Variants in CNTN4 observed in about 807,000 individuals in gnomAD.
CNTN4 encodes the protein contactin 4.
Under a neutral mutation model 122.5 loss-of-function variants are expected in CNTN4, and 77 were observed. That is an observed-to-expected ratio of 0.63 (90% CI 0.52 to 0.76). The LOEUF is 0.76. Ranked by LOEUF, CNTN4 falls within the 30% of genes least tolerant of loss-of-function variation. CNTN4 has a pLI of 0.00. For missense variants in CNTN4, 1,256 were observed against 1,259.1 expected (o/e 1.00, Z 0.04); for synonymous variants, 512 against 447.0 (o/e 1.15, Z -1.83).
At chr3:2,922,582 T>A (rs930016644) in intron 12 of CNTN4, among the ~76,000 whole-genome samples, 2 of 151,624 alleles carry the variant, frequency 1.3e-5, no homozygotes, top group African/African-American at 2.4e-5. Flanking sequence ...ATTAAGTAAA[T>A]TGAGTTAACA....
intron 2 of CNTN4, among the ~76,000 whole-genome samples, chr3:2,146,797 A>C (rs909798897): frequency 6.6e-6 from 1 of 152,194 alleles, no homozygotes; most frequent in African/African-American, 2.4e-5. Flanking sequence ...GGGGAGTTGT[A>C]AAGCCTGGTA....
chr3:2,621,957 A>C (rs1370244269), intron 4 of CNTN4, among the ~76,000 whole-genome samples: 2 of 152,150 alleles, frequency 1.3e-5, no homozygotes, highest in African/African-American at 4.8e-5. Context: ...CTTGATATCC[A>C]GACTCGGTGT....
chr3:2,548,996 G>A (rs1032177631), intron 3 of CNTN4, among the ~76,000 whole-genome samples: 3 of 152,028 alleles, frequency 2.0e-5, no homozygotes, highest in Non-Finnish European at 2.9e-5. Flanking sequence ...TTGGTGTTTA[G>A]GAATGCTTGT....
At chr3:2,405,654 TCTTC>T (rs1374968184) in intron 3 of CNTN4, among the ~76,000 whole-genome samples, 1 of 152,112 alleles carries the variant, frequency 6.6e-6, no homozygotes, top group Non-Finnish European at 1.5e-5. Context: ...AAGGATCAGC[TCTTC>T]CTTCCAGAAG....
chr3:2,880,403 C>T (rs1419872162), intron 8 of CNTN4, among the ~76,000 whole-genome samples: 1 of 152,196 alleles, frequency 6.6e-6, no homozygotes, highest in African/African-American at 2.4e-5. Flanking sequence ...AGTATACAGC[C>T]ATATACACAG....
chr3:2,121,082 C>CCTTT (rs1553568510), intron 2 of CNTN4, among the ~76,000 whole-genome samples: 2 of 135,368 alleles, frequency 1.5e-5, no homozygotes, highest in Non-Finnish European at 3.4e-5. Context: ...CTTCCTCCCT[C>CCTTT]CCTTCCTTCC....
chr3:2,844,584 G>A (rs1047848975), intron 7 of CNTN4, among the ~76,000 whole-genome samples: 54 of 152,184 alleles, frequency 3.5e-4, no homozygotes, highest in African/African-American at 7.2e-5. Flanking sequence ...CTACAGAAAC[G>A]ATCTCTTTCC....
intron 4 of CNTN4, among the ~76,000 whole-genome samples, chr3:2,699,063 T>A (rs1014753694): frequency 6.6e-5 from 10 of 152,086 alleles, no homozygotes; most frequent in African/African-American, 2.4e-4. Flanking sequence ...ATTGTTAGTA[T>A]ACCTGTCCCA....
At chr3:2,777,782 C>T (rs766191737) in intron 6 of CNTN4, among the ~76,000 whole-genome samples, 5 of 152,210 alleles carry the variant, frequency 3.3e-5, no homozygotes, top group Admixed American at 6.5e-5. Flanking sequence ...TCCAAACATG[C>T]ATAACCAAAT....
intron 14 of CNTN4, among the ~76,000 whole-genome samples, chr3:3,012,740 G>A (rs1333673789): frequency 6.6e-6 from 1 of 152,180 alleles, no homozygotes; most frequent in East Asian, 1.9e-4. Flanking sequence ...AGGCGGAGGC[G>A]GGCAGATCAC....
intron 2 of CNTN4, among the ~76,000 whole-genome samples, chr3:2,105,722 T>A (rs1301506450): frequency 1.3e-5 from 2 of 152,188 alleles, no homozygotes; most frequent in Admixed American, 1.3e-4. Flanking sequence ...ACCATATCAT[T>A]CTGCCCCTGG....
Position 2,781,784 on chromosome 3 carries a change from G to A in CNTN4, c.358+36087G>A, listed in dbSNP as rs1410285538. On this transcript the variant is annotated intron_variant, in intron 6 of 24. Coordinates refer to ENST00000418658, the MANE Select transcript of CNTN4 (RefSeq NM_175607.3). ...CTGTCGCCCAGGCTGGAGGGCAGTA[G>A]CGCGATCTCTGCTCACTGCAACCTC... 4.4e-5 allele frequency among the ~76,000 whole-genome samples: 6 copies of A among 135,026 alleles called. 1 individual carries two copies. The South Asian group carries it at 9.3e-4, about 21-fold the overall frequency. 88.6% of individuals were successfully genotyped at this position (135,026 alleles called of 152,430 possible).
At chr3:2,125,894 GGTGTGTGTGTGTGT>G (rs61706367) in intron 2 of CNTN4, among the ~76,000 whole-genome samples, 2 of 143,374 alleles carry the variant, frequency 1.4e-5, no homozygotes, top group South Asian at 2.3e-4. Flanking sequence ...TTTTATTTCT[GGTGTGTGTGTGTGT>G]GTGTGTGTGT....
chr3:2,915,455 A>T (rs1036181105), intron 12 of CNTN4, among the ~76,000 whole-genome samples: 1 of 152,204 alleles, frequency 6.6e-6, no homozygotes, highest in Non-Finnish European at 1.5e-5. Context: ...GAAAAATTTT[A>T]CTTCTTTCCT....
At chr3:2,463,833 C>A (rs1355674887) in intron 3 of CNTN4, among the ~76,000 whole-genome samples, 1 of 152,126 alleles carries the variant, frequency 6.6e-6, no homozygotes, top group East Asian at 1.9e-4. Flanking sequence ...TCTCACCCTG[C>A]TTCTTTGTGT....
At position 2,194,213 on chromosome 3, in the gene CNTN4, C is replaced by T. The variant is rs193005296; in HGVS notation, c.-145+93574C>T. ...GCATGGTGGTTCATGCCTGTAATCCCAGGACTTTGGGAGGCTGAGGCAGGA... is the reference window on the plus strand; with the variant it reads ...GCATGGTGGTTCATGCCTGTAATCCTAGGACTTTGGGAGGCTGAGGCAGGA... On this transcript the variant is annotated intron_variant, in intron 2 of 24. Transcript: ENST00000418658. 1.1e-4 allele frequency among the ~76,000 whole-genome samples: 16 copies of T among 152,136 alleles called. No individual in the cohort carries two copies. The East Asian group carries it at 2.5e-3, about 24-fold the overall frequency.
chr3:2,181,238 A>T (rs1219209912), intron 2 of CNTN4, among the ~76,000 whole-genome samples: 1 of 152,090 alleles, frequency 6.6e-6, no homozygotes, highest in Non-Finnish European at 1.5e-5. Context: ...CTTAAAGAGG[A>T]ATAAGAAAAC....
intron 2 of CNTN4, among the ~76,000 whole-genome samples, chr3:2,198,748 T>C (rs2037961049): frequency 6.6e-6 from 1 of 152,330 alleles, no homozygotes; most frequent in Non-Finnish European, 1.5e-5. Flanking sequence ...GCTATTTCTT[T>C]TTCAGGCTGC....
At chr3:2,458,127 A>C (rs2151413469) in intron 3 of CNTN4, among the ~76,000 whole-genome samples, 1 of 152,284 alleles carries the variant, frequency 6.6e-6, no homozygotes, top group Middle Eastern at 3.4e-3. Context: ...TCTCAGTTGC[A>C]GTACTGAATT....
Sources: gnomAD v4.1 joint callset for allele counts (sites outside exome capture counted in the v4.1 genomes callset) on GRCh38, gnomAD v4.1.1 for gene constraint, MANE v1.5 for transcripts, NCBI Gene and HGNC (gene_info 2026-07-23, HGNC 2026-07-21) for gene names.